The following SLA2 variants were observed in gnomAD, a reference collection of about 807,000 sequenced individuals.
SLA2 encodes the protein Src like adaptor 2.
SLA2 carries 22 observed loss-of-function variants against 27.3 expected under a neutral mutation model. The observed-to-expected ratio is 0.81, with a 90% confidence interval of 0.58 to 1.15. The LOEUF is 1.15. Ranked by LOEUF, SLA2 falls within the 50% of genes most tolerant of loss-of-function variation. The pLI is 0.00. For synonymous variants in SLA2, 131 were observed against 137.8 expected, an observed-to-expected ratio of 0.95 and a Z score of 0.34; for missense variants, 304 against 322.2, an observed-to-expected ratio of 0.94 and a Z score of 0.43.
intron 2 of SLA2, among the ~76,000 whole-genome samples, chr20:36,637,906 TGA>T (rs2039469036): frequency 7.1e-6 from 1 of 141,200 alleles, no homozygotes; most frequent in African/African-American, 2.7e-5. Flanking sequence ...TTTTTTTTTT[TGA>T]GACAGAGTCT....
intron 1 of SLA2, among the ~76,000 whole-genome samples, chr20:36,643,255 C>T (rs116295202): frequency 9.8e-4 from 149 of 152,296 alleles, no homozygotes; most frequent in African/African-American, 3.5e-3. Context: ...TTTTTCCAAA[C>T]ACTATTTTAA....
chr20:36,618,936 T>C (rs1367705807), intron 5 of SLA2, among the ~76,000 whole-genome samples: 1 of 109,248 alleles, frequency 9.2e-6, no homozygotes, highest in Non-Finnish European at 1.8e-5. Context: ...AAAAAAAAAG[T>C]ATCTAGAAGC....
intron 5 of SLA2, among the ~76,000 whole-genome samples, chr20:36,626,448 C>T (rs1372266090): frequency 5.9e-5 from 9 of 151,430 alleles, no homozygotes; most frequent in African/African-American, 2.2e-4. Flanking sequence ...CCTGTAGTCC[C>T]AGCTACTCAG....
intron 1 of SLA2, among the ~76,000 whole-genome samples, chr20:36,643,673 C>T (rs1329545603): frequency 6.6e-6 from 1 of 152,210 alleles, no homozygotes; most frequent in Non-Finnish European, 1.5e-5. Flanking sequence ...ATACCTGGGC[C>T]GGGCGCGGTG....
At chr20:36,632,902 G>T (rs900992261) in intron 4 of SLA2, among the ~76,000 whole-genome samples, 1 of 152,042 alleles carries the variant, frequency 6.6e-6, no homozygotes, top group African/African-American at 2.4e-5. Context: ...CAGGGCCCTG[G>T]GAGGACAAAC....
Position 36,634,542 on chromosome 20 carries a change from C to A in SLA2, c.139G>T (p.Gly47Cys), listed in dbSNP as rs1458079734. Reference protein sequence around the residue: ...AVALGSFPAGGPAELSLRLGE... With the variant: ...AVALGSFPAGCPAELSLRLGE... ...AGTCTCAGCGACAGCTCGGCCGGGC[C>A]ACCTGCCGGGAAACTGCCCAGGGCC... Residue 47 changes from glycine (G) to cysteine (C), a missense_variant, in exon 3 of 8, where the codon GGC (glycine) becomes TGC (cysteine). Gly to Cys is a radical substitution (Grantham distance 159). Coordinates refer to ENST00000262866, the MANE Select transcript of SLA2 (RefSeq NM_032214.4). 1 of 1,611,726 alleles carries A rather than the reference C, an allele frequency of 6.2e-7. No individual in the cohort carries two copies. The highest frequency in any genetic ancestry group is 1.7e-5 in the Admixed American group (1 of 59,764).
At chr20:36,621,447 G>A (rs1452779608) in intron 5 of SLA2, 3 of 483,720 alleles carry the variant, frequency 6.2e-6, no homozygotes, top group African/African-American at 2.1e-5. Flanking sequence ...AGGCTATAGT[G>A]TTGTTTTTTT....
intron 2 of SLA2, among the ~76,000 whole-genome samples, chr20:36,637,426 A>C (rs546437636): frequency 6.7e-6 from 1 of 150,284 alleles, no homozygotes; most frequent in East Asian, 2.0e-4. Flanking sequence ...CGAACTCCTG[A>C]CCTCGTGATC....
At chr20:36,638,901 C>T (rs965580612) in intron 2 of SLA2, among the ~76,000 whole-genome samples, 3 of 152,090 alleles carry the variant, frequency 2.0e-5, no homozygotes, top group Non-Finnish European at 4.4e-5. Flanking sequence ...GGCTGGAGTG[C>T]AGTGGTGTGA....
chr20:36,614,194 C>A, intron 7 of SLA2, 111 bp downstream of exon 7: 1 of 1,565,280 alleles, frequency 6.4e-7, no homozygotes, highest in Non-Finnish European at 8.8e-7. Flanking sequence ...CTGGCTCCAG[C>A]TGCCAGGTGT....
chr20:36,637,624 CTT>C lies in SLA2; in HGVS notation c.92-3037_92-3036del, dbSNP rs36100264. Among the ~76,000 whole-genome samples the C allele has an allele frequency of 5.6e-3, 451 of 80,908 alleles. 2 individuals are homozygous for C. The highest frequency in any genetic ancestry group is 0.02 in the African/African-American group (417 of 20,956). 53.1% of individuals were successfully genotyped at this position (80,908 alleles called of 152,430 possible). Reference sequence around the variant, plus strand: ...ATAGGCTCATATTCTGTGAAGTTTGCTTTTTTTTTTTTTTTTTTTTTTGAGAC... The same window carrying C: ...ATAGGCTCATATTCTGTGAAGTTTGCTTTTTTTTTTTTTTTTTTTTGAGAC... On this transcript the variant is annotated intron_variant, in intron 2 of 7. Transcript: ENST00000262866.
Position 36,614,444 on chromosome 20 carries a change from AAG to A in SLA2, c.533-9_533-8del. 6.2e-7 allele frequency: 1 copy of A among 1,600,948 alleles called. No individual in the cohort carries two copies. Among genetic ancestry groups the A allele is most frequent in the Non-Finnish European group, 8.5e-7 (1 of 1,172,818 alleles). On this transcript the variant is annotated splice_polypyrimidine_tract_variant and splice_region_variant and intron_variant, in intron 6 of 7. Coordinates refer to ENST00000262866, the MANE Select transcript of SLA2 (RefSeq NM_032214.4). ...CAGATGTCATCCGCCAGCTCTGAGG[AAG>A]AGACCTCCATCCCTGACATGACTGA...
At chr20:36,636,022 T>C (rs926065084) in intron 2 of SLA2, among the ~76,000 whole-genome samples, 3 of 152,164 alleles carry the variant, frequency 2.0e-5, no homozygotes, top group Admixed American at 1.3e-4. Flanking sequence ...TTAGCACCTG[T>C]CCCTGGGGCT....
At chr20:36,642,357 C>T (rs949268030) in intron 1 of SLA2, among the ~76,000 whole-genome samples, 5 of 149,392 alleles carry the variant, frequency 3.3e-5, no homozygotes, top group African/African-American at 1.2e-4. Flanking sequence ...AAACCCTGAC[C>T]AGCCCCCTGT....
intron 4 of SLA2, 98 bp from the exon 5 acceptor site, chr20:36,632,796 C>CAGAGAGGGAGGGCCTTG: frequency 1.1e-6 from 1 of 906,556 alleles, no homozygotes; most frequent in Non-Finnish European, 1.7e-6. Flanking sequence ...TCACAAGGCC[C>CAGAGAGGGAGGGCCTTG]TCCCTCTCTG....
rs1304959820 is a variant in SLA2, at chr20:36,619,398, C to T, written c.383-4024G>A. On this transcript the variant is annotated intron_variant, in intron 5 of 7. Coordinates refer to ENST00000262866, the MANE Select transcript of SLA2 (RefSeq NM_032214.4). ...AAAATTAGCCAGGCATGGTGGCACA[C>T]GCCTGTAATCCCAGCTACTTGGGAG... 7.4e-5 allele frequency among the ~76,000 whole-genome samples: 11 copies of T among 148,378 alleles called. No homozygotes were observed. The South Asian group carries it at 1.7e-3, about 23-fold the overall frequency.
chr20:36,617,330 A>T (rs999590762), intron 5 of SLA2, among the ~76,000 whole-genome samples: 9 of 151,970 alleles, frequency 5.9e-5, no homozygotes, highest in Admixed American at 1.3e-4. Flanking sequence ...ACACCACTGC[A>T]CTACAGCCTG....
At chr20:36,638,126 C>A (rs902124082) in intron 2 of SLA2, among the ~76,000 whole-genome samples, 1 of 151,844 alleles carries the variant, frequency 6.6e-6, no homozygotes, top group Non-Finnish European at 1.5e-5. Context: ...CTCCTGACCT[C>A]ATGATCCGCC....
intron 5 of SLA2, among the ~76,000 whole-genome samples, chr20:36,628,902 A>C (rs2039365598): frequency 6.6e-6 from 1 of 151,746 alleles, no homozygotes; most frequent in South Asian, 2.1e-4. Context: ...CCCGCAGGAA[A>C]ATTTTACCTT....
Sources: gnomAD v4.1 joint callset for allele counts (sites outside exome capture counted in the v4.1 genomes callset) on GRCh38, gnomAD v4.1.1 for gene constraint, MANE v1.5 for transcripts, NCBI Gene and HGNC (gene_info 2026-07-23, HGNC 2026-07-21) for gene names.